The following PHF8 variants were observed in gnomAD, a reference collection of about 807,000 sequenced individuals.
PHF8 encodes the protein PHD finger protein 8.
In PHF8, 9 loss-of-function variants were observed where a neutral mutation model predicts 74.4. The observed-to-expected ratio is 0.12, with a 90% CI of 0.07 to 0.21. The LOEUF is 0.21. PHF8 is among the 10% of genes least tolerant of loss of function. PHF8 has a pLI of 1.00. For synonymous variants in PHF8, 311 were observed against 316.6 expected, an observed-to-expected ratio of 0.98 and a Z score of 0.19; for missense variants, 478 against 816.6, an observed-to-expected ratio of 0.59 and a Z score of 5.05.
Position 53,937,846 on chromosome X carries a change from G to A in PHF8, c.*1312C>T. On this transcript the variant is annotated 3_prime_UTR_variant, in exon 22 of 22. Transcript: ENST00000338154. ...CACTTGGGTAGTGCCAAATGGAGGT[G>A]GGGGGATGTTCTCCATCGAGTCCAG... The A allele has an allele frequency of 1.9e-6, 1 of 514,707 alleles. No homozygotes were observed. The highest frequency in any genetic ancestry group is 3.0e-5 in the Admixed American group (1 of 33,820). The allele number at this position is 514,707 out of a possible 1,213,427, so 42.4% of individuals were successfully genotyped here.
intron 2 of PHF8, among the ~76,000 whole-genome samples, chrX:54,023,854 A>AC (rs1557110707): frequency 9.3e-6 from 1 of 108,034 alleles, no homozygotes; most frequent in African/African-American, 3.4e-5. Flanking sequence ...AAAAAAAAAA[A>AC]AAAAAAAAAA....
chrX:54,011,760 C>T (rs1557106788), intron 7 of PHF8, among the ~76,000 whole-genome samples: 1 of 109,335 alleles, frequency 9.1e-6, no homozygotes, highest in African/African-American at 3.3e-5. Flanking sequence ...CAGTAATCGC[C>T]CAAGGACTTC....
intron 2 of PHF8, among the ~76,000 whole-genome samples, chrX:54,029,617 G>A (rs1171646666): frequency 1.8e-5 from 2 of 111,983 alleles, no homozygotes; most frequent in Non-Finnish European, 3.8e-5. Context: ...AACTCAAGGG[G>A]CGAGTGCAGG....
chrX:53,995,383 C>T (rs2065730106), intron 12 of PHF8, among the ~76,000 whole-genome samples: 1 of 112,087 alleles, frequency 8.9e-6, no homozygotes. Flanking sequence ...TTTAACAATC[C>T]TCGAGTAGGT....
chrX:53,996,722 A>C (rs782407865), intron 11 of PHF8, among the ~76,000 whole-genome samples: 11 of 107,025 alleles, frequency 1.0e-4, no homozygotes, highest in Non-Finnish European at 1.4e-4. Flanking sequence ...AATTTTTGTA[A>C]TTTTAGTGCA....
Position 54,031,820 on chromosome X carries a change from T to C in PHF8, c.99-8977A>G, listed in dbSNP as rs782661178. Among the ~76,000 whole-genome samples the C allele has an allele frequency of 5.4e-5, 6 of 111,840 alleles. No homozygotes were observed. In the South Asian group the frequency reaches 2.2e-3, roughly 42 times the overall value. On this transcript the variant is annotated intron_variant, in intron 2 of 21. Transcript: ENST00000338154. The stretch of plus-strand genomic sequence containing the variant: ...ACCACTGCCTAACTAGACCAAAGTT[T>C]CTCAGATTTTAGGGAATATTAGAAA...
At chrX:54,006,936 T>C (rs1198947286) in intron 8 of PHF8, among the ~76,000 whole-genome samples, 5 of 70,771 alleles carry the variant, frequency 7.1e-5, no homozygotes, top group African/African-American at 2.2e-4. Context: ...CAAAACTTCA[T>C]CTCAAAAAAA....
In PHF8 at chrX:54,044,197, C is replaced by T; in HGVS notation, c.-528G>A. 2.6e-6 allele frequency: 2 copies of T among 754,962 alleles called. No homozygotes were observed. Among genetic ancestry groups the T allele is most frequent in the African/African-American group, 4.5e-5 (2 of 44,051 alleles). 62.2% of individuals were successfully genotyped at this position (754,962 alleles called of 1,213,427 possible). On this transcript the variant is annotated 5_prime_UTR_variant, in exon 1 of 22. Coordinates refer to ENST00000338154, the MANE Select transcript of PHF8 (RefSeq NM_015107.3). ...CGCCCGGCGAACGGGCAAGTGGCGT[C>T]GTCGCTGGGCCGGCAGGAGATACTC...
intron 18 of PHF8, among the ~76,000 whole-genome samples, chrX:53,982,700 A>G (rs1328020391): frequency 2.7e-5 from 3 of 112,050 alleles, no homozygotes; most frequent in Non-Finnish European, 5.6e-5. Context: ...TCAGGGGGAT[A>G]ATGATGAATT....
intron 18 of PHF8, among the ~76,000 whole-genome samples, chrX:53,980,061 T>A (rs2065455384): frequency 9.0e-6 from 1 of 111,220 alleles, no homozygotes; most frequent in African/African-American, 3.3e-5. Context: ...ATATATTGAG[T>A]GGAGAAAGAC....
At position 54,022,299 on chromosome X, in the gene PHF8, G is replaced by C. The variant is rs1557110209; in HGVS notation, c.253C>G (p.Pro85Ala). 4 of 1,204,842 alleles carry C rather than the reference G, an allele frequency of 3.3e-6. No homozygotes were observed. The highest frequency in any genetic ancestry group is 4.4e-5 in the Admixed American group (2 of 45,639). The change falls in exon 4 of 22, where the codon CCT becomes GCT. Residue 85 changes from proline (P) to alanine (A), a missense_variant. Physicochemically the swap from Pro to Ala is conservative, Grantham distance 27 (BLOSUM62 -1). Coordinates refer to ENST00000338154, the MANE Select transcript of PHF8 (RefSeq NM_015107.3). ...CTCCGGAGCTCTCTGACGAACGTAG[G>C]GCTCCCGGTCTTCACTGGTTTCCCC... Reference protein sequence around the residue: ...HKGKPVKTGSPTFVRELRSRT... With the variant: ...HKGKPVKTGSATFVRELRSRT...
intron 2 of PHF8, chrX:54,039,612 G>A (rs2066519334): frequency 8.9e-6 from 1 of 112,156 alleles, no homozygotes; most frequent in Non-Finnish European, 1.9e-5. Context: ...TAAATGTCAA[G>A]TATCTACTAG....
intron 18 of PHF8, among the ~76,000 whole-genome samples, chrX:53,966,220 T>TCCTCTCCCTCTCCCCACGGTCTC (rs1351194719): frequency 2.7e-5 from 3 of 110,925 alleles, no homozygotes; most frequent in Non-Finnish European, 5.7e-5. Context: ...TCCCTCTCCC[T>TCCTCTCCCTCTCCCCACGGTCTC]CCTCTCCCTC....
chrX:53,964,876 A>C (rs181414607), intron 18 of PHF8, among the ~76,000 whole-genome samples: 1 of 108,955 alleles, frequency 9.2e-6, no homozygotes, highest in East Asian at 2.8e-4. Context: ...CTCAAAAAAA[A>C]AAAAAAAAAA....
intron 18 of PHF8, among the ~76,000 whole-genome samples, chrX:53,967,349 C>A (rs1417757995): frequency 7.0e-5 from 7 of 100,465 alleles, no homozygotes; most frequent in Non-Finnish European, 6.1e-5. Flanking sequence ...CCAGCCGCCC[C>A]GTCCGGGAGG....
At chrX:54,002,095 C>G in intron 10 of PHF8, 60 bp downstream of exon 10, 1 of 601,565 alleles carries the variant, frequency 1.7e-6, no homozygotes, top group Non-Finnish European at 2.9e-6. Flanking sequence ...TACACATACA[C>G]ACATACTCAT....
At chrX:53,943,237 G>T (rs782427228) in intron 20 of PHF8, 1 of 933,391 alleles carries the variant, frequency 1.1e-6, no homozygotes, top group Non-Finnish European at 1.4e-6. Context: ...GATTGCCAAA[G>T]ATTTAAACAC....
At chrX:53,986,274 G>A (rs937214062) in intron 16 of PHF8, among the ~76,000 whole-genome samples, 9 of 112,616 alleles carry the variant, frequency 8.0e-5, no homozygotes, top group Middle Eastern at 4.6e-3. Flanking sequence ...ACAGAGCCTC[G>A]TTCTGTCGCC....
In PHF8 at chrX:54,044,052, C is replaced by T; in HGVS notation, c.-383G>A. ...TCGCTCGCCTTCCCCTCGAGCCCCC[C>T]GCTGGGTCGCGCGGCGCCAGCCGCT... is the stretch of plus-strand genomic sequence containing the variant. On this transcript the variant is annotated 5_prime_UTR_variant, in exon 1 of 22. Coordinates refer to ENST00000338154, the MANE Select transcript of PHF8 (RefSeq NM_015107.3). The T allele has an allele frequency of 1.3e-6, 1 of 755,303 alleles. No homozygotes were observed. Among genetic ancestry groups the T allele is most frequent in the Non-Finnish European group, 1.6e-6 (1 of 639,592 alleles). The allele number at this position is 755,303 out of a possible 1,213,427, so 62.2% of individuals were successfully genotyped here. A position where few individuals can be genotyped will look rare whatever the true frequency, so the allele number is the denominator to read the frequency against.
Sources: allele counts gnomAD v4.1 joint callset (sites outside exome capture counted in the v4.1 genomes callset), GRCh38; gene constraint gnomAD v4.1.1; transcripts MANE v1.5; gene names NCBI Gene and HGNC (gene_info 2026-07-23, HGNC 2026-07-21).